PCDHA10: variants seen among roughly 807,000 people sequenced by gnomAD.
PCDHA10 encodes protocadherin alpha 10.
PCDHA10 carries 45 observed loss-of-function variants against 61.2 expected under a neutral mutation model. That is an observed-to-expected ratio of 0.74 (90% CI 0.58 to 0.94). The LOEUF is 0.94. Among genes scored for constraint, PCDHA10 ranks in the 40% least tolerant of loss-of-function variants. PCDHA10 has a pLI of 0.00. For synonymous variants in PCDHA10, 602 were observed against 548.8 expected (o/e 1.10, Z -1.35); for missense variants, 1,278 against 1,236.2 (o/e 1.03, Z -0.51).
At chr5:140,898,984 C>T (rs1237034997) in intron 1 of PCDHA10, among the ~76,000 whole-genome samples, 3 of 151,964 alleles carry the variant, frequency 2.0e-5, no homozygotes, top group Non-Finnish European at 4.4e-5. Flanking sequence ...TGATTTGGCT[C>T]TCTGTTTGTC....
chr5:140,927,643 G>A lies in PCDHA10; in HGVS notation c.2389-51306G>A. On this transcript the variant is annotated intron_variant, in intron 1 of 3. Coordinates refer to ENST00000307360, the MANE Select transcript of PCDHA10 (RefSeq NM_018901.4). The stretch of plus-strand genomic sequence containing the variant: ...TCCAGAGACTGCACCCAATGGGACT[G>A]TGTTATTCCGAGTTCAAGCCTTGGA... The A allele has an allele frequency of 3.7e-6, 6 of 1,614,170 alleles. No homozygotes were observed. Among genetic ancestry groups the A allele is most frequent in the South Asian group, 1.1e-5 (1 of 91,088 alleles).
rs782610584 is a variant in PCDHA10 at position 140,883,582 on chromosome 5, G to C, written c.2388+25146G>C. 38 of 1,613,902 alleles carry C rather than the reference G, an allele frequency of 2.4e-5. No homozygotes were observed. The African/African-American group carries it at 3.7e-4, about 16-fold the overall frequency. ...GGGGCTCGCCTTCGCTGTGGGCCAC[G>C]GCCAGCGTGTCGGTGGGGGTGGCCG... is the stretch of plus-strand genomic sequence containing the variant. On this transcript the variant is annotated intron_variant, in intron 1 of 3. Transcript: ENST00000307360.
At chr5:140,903,487 A>G (rs2070330722) in intron 1 of PCDHA10, among the ~76,000 whole-genome samples, 1 of 152,242 alleles carries the variant, frequency 6.6e-6, no homozygotes, top group South Asian at 2.1e-4. Context: ...TATAGTTCTG[A>G]GCAGGTACCA....
intron 1 of PCDHA10, chr5:140,877,012 A>G: frequency 6.2e-7 from 1 of 1,612,352 alleles, no homozygotes; most frequent in Non-Finnish European, 8.5e-7. Flanking sequence ...GCACGCGGAG[A>G]GCGGCAAGGT....
At chr5:140,882,333 C>A in intron 1 of PCDHA10, 1 of 1,614,220 alleles carries the variant, frequency 6.2e-7, no homozygotes, top group Non-Finnish European at 8.5e-7. Context: ...CTGATCCTCG[C>A]AGCCTGGGAG....
chr5:140,882,263 T>G (rs1554173290), intron 1 of PCDHA10: 3 of 1,604,900 alleles, frequency 1.9e-6, no homozygotes. Context: ...GTTTTTGGAG[T>G]GTACCATGCT....
intron 3 of PCDHA10, among the ~76,000 whole-genome samples, chr5:140,999,672 C>T (rs2153958475): frequency 6.6e-6 from 1 of 152,214 alleles, no homozygotes; most frequent in South Asian, 2.1e-4. Context: ...TTGCGGGGGG[C>T]TCACAGAAAG....
chr5:140,884,504 GGGAGTT>G, intron 1 of PCDHA10: 1 of 1,614,180 alleles, frequency 6.2e-7, no homozygotes, highest in Non-Finnish European at 8.5e-7. Context: ...CAGCGCGGCA[GGGAGTT>G]GGTCGTACTC....
intron 1 of PCDHA10, chr5:140,927,708 A>G: frequency 6.2e-7 from 1 of 1,614,202 alleles, no homozygotes; most frequent in Non-Finnish European, 8.5e-7. Context: ...AGTACTCCCT[A>G]AGCAACAGCA....
At chr5:140,943,796 C>T (rs2093568961) in intron 1 of PCDHA10, among the ~76,000 whole-genome samples, 1 of 152,032 alleles carries the variant, frequency 6.6e-6, no homozygotes, top group Non-Finnish European at 1.5e-5. Flanking sequence ...TTATGCAAAG[C>T]AAAAGAGGAA....
At chr5:140,875,367 T>A (rs937879067) in intron 1 of PCDHA10, 1 of 1,449,166 alleles carries the variant, frequency 6.9e-7, no homozygotes, top group Non-Finnish European at 9.1e-7. Context: ...CTGGAAAAAA[T>A]TTACTAAATA....
At chr5:140,948,849 C>A (rs2094312653) in intron 1 of PCDHA10, among the ~76,000 whole-genome samples, 1 of 151,046 alleles carries the variant, frequency 6.6e-6, no homozygotes, top group Admixed American at 6.6e-5. Flanking sequence ...GTATTATTTG[C>A]CTTCTTATAT....
At chr5:141,009,439 G>A (rs187486568) in intron 3 of PCDHA10, among the ~76,000 whole-genome samples, 188 bp from the exon 4 acceptor site, 1 of 152,244 alleles carries the variant, frequency 6.6e-6, no homozygotes, top group East Asian at 1.9e-4. Context: ...GGGAAATCCT[G>A]TCTCAAAAAA....
intron 1 of PCDHA10, chr5:140,882,333 C>T (rs1052199425): frequency 3.8e-5 from 61 of 1,614,102 alleles, no homozygotes; most frequent in Non-Finnish European, 5.0e-5. Flanking sequence ...CTGATCCTCG[C>T]AGCCTGGGAG....
intron 1 of PCDHA10, among the ~76,000 whole-genome samples, chr5:140,934,913 G>A (rs1226804104): frequency 1.3e-5 from 2 of 152,062 alleles, no homozygotes; most frequent in African/African-American, 4.8e-5. Flanking sequence ...GAATAATTAT[G>A]GATTCACATA....
chr5:140,908,276 A>T (rs1554193275), intron 1 of PCDHA10, among the ~76,000 whole-genome samples: 1 of 152,148 alleles, frequency 6.6e-6, no homozygotes, highest in Non-Finnish European at 1.5e-5. Context: ...CCATGAGGCC[A>T]TTGTTGCAAG....
At chr5:140,860,134 T>C (rs1179708512) in intron 1 of PCDHA10, 1 of 150,772 alleles carries the variant, frequency 6.6e-6, no homozygotes, top group African/African-American at 2.4e-5. Flanking sequence ...TGTGTGTGTG[T>C]ATATATATGT....
rs200004763 is a variant in PCDHA10 at position 140,856,177 on chromosome 5, C to T, written c.129C>T (p.Phe43=). 6.3e-7 allele frequency: 1 copy of T among 1,598,248 alleles called. No homozygotes were observed. The highest frequency in any genetic ancestry group is 8.6e-7 in the Non-Finnish European group (1 of 1,167,890). The part of the protein sequence containing the change: ...SVYEEARHGT[F]VGRIAQDLGL... ...ACGAGGAGGCCAGACACGGCACCTT[C>T]GTGGGCCGCATCGCGCAGGACCTGG... The change falls in exon 1 of 4, where the codon TTC becomes TTT. Residue 43 remains phenylalanine, a synonymous_variant. Coordinates refer to ENST00000307360, the MANE Select transcript of PCDHA10 (RefSeq NM_018901.4).
intron 1 of PCDHA10, chr5:140,862,442 C>A: frequency 2.8e-6 from 1 of 361,562 alleles, no homozygotes. Flanking sequence ...CGTTGGTACT[C>A]CACAGCGCCC....
Sources: gnomAD v4.1 joint callset for allele counts (sites outside exome capture counted in the v4.1 genomes callset) on GRCh38, gnomAD v4.1.1 for gene constraint, MANE v1.5 for transcripts, NCBI Gene and HGNC (gene_info 2026-07-23, HGNC 2026-07-21) for gene names.